ABCG2: variants seen among roughly 807,000 people sequenced by gnomAD.
The protein encoded by ABCG2 is ATP binding cassette subfamily G member 2 (JR blood group).
Under a neutral mutation model 73.5 loss-of-function variants are expected in ABCG2, and 80 were observed. The ratio of observed to expected loss-of-function variants is 1.09; its 90% CI spans 0.91 to 1.31. ABCG2 has a LOEUF of 1.31. Ranked by LOEUF, ABCG2 falls within the 50% of genes most tolerant of loss-of-function variation. ABCG2 has a pLI of 0.00. For missense variants in ABCG2, 796 were observed against 786.2 expected (o/e 1.01, Z -0.15); for synonymous variants, 269 against 282.4 (o/e 0.95, Z 0.48).
At chr4:88,179,208 G>C (rs1182208436) in intron 1 of ABCG2, among the ~76,000 whole-genome samples, 2 of 152,174 alleles carry the variant, frequency 1.3e-5, no homozygotes, top group African/African-American at 2.4e-5. Context: ...GAGAGGGAGA[G>C]ACTCCATTTG....
At chr4:88,199,977 G>A (rs1036339754) in intron 1 of ABCG2, among the ~76,000 whole-genome samples, 1 of 152,090 alleles carries the variant, frequency 6.6e-6, no homozygotes, top group East Asian at 1.9e-4. Flanking sequence ...CTCCAGCCTG[G>A]GCGACAGAGC....
At chr4:88,193,181 C>T (rs1289660058) in intron 1 of ABCG2, among the ~76,000 whole-genome samples, 1 of 152,084 alleles carries the variant, frequency 6.6e-6, no homozygotes, top group African/African-American at 2.4e-5. Context: ...TATATGTTAA[C>T]TTGTGCTATT....
At chr4:88,199,889 T>C (rs1729088384) in intron 1 of ABCG2, among the ~76,000 whole-genome samples, 1 of 151,818 alleles carries the variant, frequency 6.6e-6, no homozygotes, top group Admixed American at 6.6e-5. Flanking sequence ...TGGTCCCAAC[T>C]ACTCCGGGAG....
rs773393258 is a variant in ABCG2 at position 88,131,186 on chromosome 4, C to T, written c.406G>A (p.Val136Met). 1.2e-6 allele frequency: 2 copies of T among 1,614,006 alleles called. No individual in the cohort carries two copies. The highest frequency in any genetic ancestry group is 1.7e-6 in the Non-Finnish European group (2 of 1,179,962). Residue 136 changes from valine (V) to methionine (M), a missense_variant, in exon 5 of 16, where the codon GTG becomes ATG. Coordinates refer to ENST00000237612, the MANE Select transcript of ABCG2 (RefSeq NM_004827.3). ...QDDVVMGTLT[V>M]RENLQFSAAL... ...GCTGAGAACTGTAAGTTTTCTCTCA[C>T]CGTCAGAGTGCCCATCACAACATCA...
chr4:88,193,310 A>G (rs1728778795), intron 1 of ABCG2, among the ~76,000 whole-genome samples: 1 of 152,160 alleles, frequency 6.6e-6, no homozygotes, highest in Non-Finnish European at 1.5e-5. Context: ...GACTGCTAGT[A>G]CATGAGTGAG....
upstream of ABCG2, chr4:88,159,017 A>G (rs998689799): frequency 4.2e-5 from 16 of 378,772 alleles, no homozygotes; most frequent in Non-Finnish European, 7.9e-5. Context: ...GACCCGGCTG[A>G]AAGCGCACAC....
chr4:88,192,050 T>A (rs1158532054), intron 1 of ABCG2, among the ~76,000 whole-genome samples: 5 of 152,018 alleles, frequency 3.3e-5, no homozygotes, highest in Non-Finnish European at 7.4e-5. Context: ...CGCATGCCTG[T>A]AGCCCCAGCT....
chr4:88,150,546 A>G (rs979592475), intron 1 of ABCG2, among the ~76,000 whole-genome samples: 2 of 152,146 alleles, frequency 1.3e-5, no homozygotes, highest in African/African-American at 4.8e-5. Context: ...TGAAGAAATG[A>G]TATCTATATT....
chr4:88,159,915 C>G (rs1727209210), upstream of ABCG2, among the ~76,000 whole-genome samples: 1 of 152,076 alleles, frequency 6.6e-6, no homozygotes, highest in Non-Finnish European at 1.5e-5. Context: ...CTTAAAGGCC[C>G]ATATAGAAAT....
At chr4:88,118,806 T>C (rs961004209) in intron 6 of ABCG2, among the ~76,000 whole-genome samples, 3 of 152,228 alleles carry the variant, frequency 2.0e-5, no homozygotes, top group African/African-American at 7.2e-5. Flanking sequence ...ATTTTCACAA[T>C]ATTGTCATGA....
chr4:88,176,169 T>C (rs6846807), intron 1 of ABCG2, among the ~76,000 whole-genome samples: 1 of 148,752 alleles, frequency 6.7e-6, no homozygotes, highest in African/African-American at 2.5e-5. Context: ...TTTTTTTTTC[T>C]TTTTTTGTGG....
chr4:88,222,543 C>G (rs1389417778), intron 1 of ABCG2, among the ~76,000 whole-genome samples: 1 of 152,246 alleles, frequency 6.6e-6, no homozygotes, highest in African/African-American at 2.4e-5. Flanking sequence ...ACTTGCTACT[C>G]CTGGCCTTCT....
intron 1 of ABCG2, among the ~76,000 whole-genome samples, chr4:88,201,127 A>C (rs1729144586): frequency 6.6e-6 from 1 of 151,672 alleles, no homozygotes; most frequent in Non-Finnish European, 1.5e-5. Flanking sequence ...ACTGAAAATC[A>C]ATAGAGAAAA....
intron 1 of ABCG2, among the ~76,000 whole-genome samples, chr4:88,178,216 G>A (rs973193756): frequency 6.6e-6 from 1 of 152,094 alleles, no homozygotes; most frequent in African/African-American, 2.4e-5. Flanking sequence ...ACTTTGTCTT[G>A]CAACTTCAAT....
intron 7 of ABCG2, among the ~76,000 whole-genome samples, chr4:88,115,923 A>G (rs1411623162): frequency 6.6e-6 from 1 of 152,184 alleles, no homozygotes; most frequent in African/African-American, 2.4e-5. Flanking sequence ...CGCTGGGTGC[A>G]ATGGCTCACA....
In ABCG2 at chr4:88,139,990, A is replaced by T. The variant is rs759914169; in HGVS notation, c.6T>A (p.Ser2=). Residue 2 remains serine (S), a synonymous_variant, in exon 2 of 16, where the codon TCT becomes TCA. Transcript: ENST00000237612. ...GGATAAAAACTTCGACATTACTGGA[A>T]GACATCTGGAGAGTTTTTATCTTTC... M[S]SSNVEVFIPV... is the part of the protein sequence containing the mutation. The T allele has an allele frequency of 8.1e-6, 13 of 1,613,692 alleles. No homozygotes were observed. The South Asian group carries it at 1.4e-4, about 18-fold the overall frequency.
In ABCG2 at chr4:88,115,055, T is replaced by C; in HGVS notation, c.845A>G (p.Tyr282Cys). 1 of 1,606,840 alleles carries C rather than the reference T, an allele frequency of 6.2e-7. No individual in the cohort carries two copies. The highest frequency in any genetic ancestry group is 8.5e-7 in the Non-Finnish European group (1 of 1,174,656). ...EALGYFESAG[Y>C]HCEAYNNPAD... is the part of the protein sequence containing the mutation. ...AGGGTTATTATAGGCCTCACAGTGA[T>C]AACCTATGAAAGAAGGCAGCTCAAA... The change falls in exon 8 of 16, where the codon TAT becomes TGT. Residue 282 changes from tyrosine to cysteine, a missense_variant. Physicochemically the swap from Tyr to Cys is radical, Grantham distance 194 (BLOSUM62 -2). Coordinates refer to ENST00000237612, the MANE Select transcript of ABCG2 (RefSeq NM_004827.3).
At chr4:88,154,250 C>T (rs1726762575) in intron 1 of ABCG2, among the ~76,000 whole-genome samples, 1 of 152,170 alleles carries the variant, frequency 6.6e-6, no homozygotes, top group African/African-American at 2.4e-5. Flanking sequence ...TTTGATGGCC[C>T]TTGCAGTGAA....
At chr4:88,198,372 C>T (rs1729022371) in intron 1 of ABCG2, among the ~76,000 whole-genome samples, 1 of 151,914 alleles carries the variant, frequency 6.6e-6, no homozygotes, top group Admixed American at 6.6e-5. Context: ...ATGGCTCACA[C>T]CTATAATCCC....
Sources: gnomAD v4.1 joint callset for allele counts (sites outside exome capture counted in the v4.1 genomes callset) on GRCh38, gnomAD v4.1.1 for gene constraint, MANE v1.5 for transcripts, NCBI Gene and HGNC (gene_info 2026-07-23, HGNC 2026-07-21) for gene names.